The following MGAM variants were observed in gnomAD, a reference collection of about 807,000 sequenced individuals.
MGAM encodes alpha-1,4-glucosidase.
A neutral mutation model predicts 358.8 loss-of-function variants in MGAM; 253 were observed. The observed-to-expected ratio is 0.71, with a 90% CI of 0.64 to 0.78. The LOEUF (loss-of-function observed/expected upper bound fraction) is 0.78, where lower values mean the gene tolerates loss of function less well. Among genes scored for constraint, MGAM ranks in the 30% least tolerant of loss-of-function variants. The pLI, the probability that MGAM is intolerant of heterozygous loss-of-function variation, is 0.00. For synonymous variants in MGAM, 1,105 were observed against 1,227.1 expected (o/e 0.90, Z 2.08); for missense variants, 3,080 against 3,432.6 (o/e 0.90, Z 2.57).
chr7:142,065,651 C>T (rs1404614139), intron 39 of MGAM, 29 bp downstream of exon 39: 1 of 1,612,776 alleles, frequency 6.2e-7, no homozygotes, highest in East Asian at 2.2e-5. Context: ...CTCCTAAGCA[C>T]CAAGAAGGTG....
At chr7:142,018,158 G>A (rs1017184484) in intron 3 of MGAM, among the ~76,000 whole-genome samples, 1 of 152,230 alleles carries the variant, frequency 6.6e-6, no homozygotes, top group Non-Finnish European at 1.5e-5. Flanking sequence ...CTCTGGCTCA[G>A]TGTCTCTTGG....
intron 70 of MGAM, 130 bp downstream of exon 70, chr7:142,103,569 T>C (rs1004956627): frequency 1.2e-6 from 1 of 864,448 alleles, no homozygotes; most frequent in African/African-American, 1.7e-5. Flanking sequence ...GTTTTCCATG[T>C]GTTAGGAATG....
chr7:142,083,507 G>A, intron 53 of MGAM, 94 bp downstream of exon 53: 3 of 875,254 alleles, frequency 3.4e-6, no homozygotes, highest in South Asian at 2.0e-5. Context: ...GATGATAACT[G>A]GAATTATTGG....
intron 8 of MGAM, among the ~76,000 whole-genome samples, chr7:142,026,034 C>T (rs1331342491): frequency 3.9e-4 from 60 of 152,024 alleles, no homozygotes; most frequent in Non-Finnish European, 1.0e-4. Flanking sequence ...GTGGGAAAGG[C>T]CACAAGATCC....
At chr7:142,050,651 T>TATACTCATATACCTTTATGC (rs1422134494) in intron 23 of MGAM, 46 bp from the exon 24 acceptor site, 1 of 1,550,146 alleles carries the variant, frequency 6.5e-7, no homozygotes, top group African/African-American at 1.4e-5. Context: ...AGAATCTGTG[T>TATACTCATATACCTTTATGC]ATACTCATAT....
In MGAM at chr7:142,070,993, G is replaced by A. The variant is rs773618948; in HGVS notation, c.5062-1G>A. The A allele has an allele frequency of 1.9e-6, 3 of 1,556,134 alleles. 1 individual carries two copies. Among genetic ancestry groups the A allele is most frequent in the South Asian group, 2.2e-5 (2 of 89,186 alleles). ...CATCTTTTACCTTCTTCTGCCCCCA[G>A]GGTGTGGATATTAATGCAAGAGGAG... On this transcript the variant is annotated splice_acceptor_variant, in intron 43 of 70. Coordinates refer to ENST00000475668, the MANE Select transcript of MGAM (RefSeq NM_001365693.1). LOFTEE classifies it high-confidence loss of function.
At chr7:142,065,904 A>G (rs1812691132) in intron 40 of MGAM, 73 bp downstream of exon 40, 1 of 1,181,524 alleles carries the variant, frequency 8.5e-7, no homozygotes. Flanking sequence ...GCTAAAAGTA[A>G]TGCAGTCTCT....
At position 142,036,962 on chromosome 7, in the gene MGAM, G is replaced by A; in HGVS notation, c.2216G>A (p.Arg739Lys). ...CACAGCCGAGGGGACACGGTGGCCA[G>A]GCCCCTTTTGCATGAGTAAGTTCAC... ...RAHSRGDTVA[R>K]PLLHEFYEDN... Residue 739 changes from arginine (R) to lysine (K), a missense_variant, in exon 18 of 71, where the codon AGG becomes AAG. By Grantham distance (26) the Arg-to-Lys change is conservative. Transcript: ENST00000475668. 3 of 1,613,260 alleles carry A rather than the reference G, an allele frequency of 1.9e-6. No individual in the cohort carries two copies. The highest frequency in any genetic ancestry group is 2.5e-6 in the Non-Finnish European group (3 of 1,179,516).
chr7:142,062,329 G>A (rs1380493580), intron 34 of MGAM, among the ~76,000 whole-genome samples: 3 of 152,188 alleles, frequency 2.0e-5, no homozygotes, highest in Admixed American at 6.5e-5. Context: ...CATCATCCAC[G>A]TGTATAGGAA....
chr7:142,040,375 T>A (rs1365288925), intron 20 of MGAM: 16 of 595,216 alleles, frequency 2.7e-5, no homozygotes, highest in Non-Finnish European at 1.5e-5. Flanking sequence ...TACCTTCATA[T>A]ACTTTATTTA....
chr7:142,100,393 T>G (rs1356530744), intron 67 of MGAM, among the ~76,000 whole-genome samples: 4 of 152,156 alleles, frequency 2.6e-5, no homozygotes, highest in African/African-American at 9.7e-5. Context: ...ATTCTTAGAC[T>G]CCCTATTCAT....
chr7:142,059,363 A>G (rs1388257369), intron 31 of MGAM, 109 bp from the exon 32 acceptor site: 1 of 1,491,150 alleles, frequency 6.7e-7, no homozygotes, highest in Non-Finnish European at 9.0e-7. Flanking sequence ...ATTTGAATGC[A>G]TCAACAAGAA....
intron 26 of MGAM, 75 bp from the exon 27 acceptor site, chr7:142,054,679 A>T (rs1242582550): frequency 4.0e-6 from 6 of 1,492,984 alleles, no homozygotes; most frequent in Non-Finnish European, 4.5e-6. Flanking sequence ...TGTGTCCAAA[A>T]ATCAAAAAGG....
chr7:142,057,996 T>A (rs1379353514), intron 30 of MGAM, among the ~76,000 whole-genome samples: 1 of 152,142 alleles, frequency 6.6e-6, no homozygotes, highest in Non-Finnish European at 1.5e-5. Context: ...TAACATCAGA[T>A]TTTCCATAAT....
intron 65 of MGAM, among the ~76,000 whole-genome samples, chr7:142,097,284 C>T (rs979693292): frequency 3.9e-5 from 6 of 152,062 alleles, no homozygotes; most frequent in African/African-American, 7.2e-5. Flanking sequence ...CCAGACACAA[C>T]CTCAGTTGTT....
intron 21 of MGAM, among the ~76,000 whole-genome samples, chr7:142,045,970 GT>G (rs1432804770): frequency 8.3e-6 from 1 of 120,178 alleles, no homozygotes; most frequent in Non-Finnish European, 1.7e-5. Flanking sequence ...CATACAATAT[GT>G]AATATATATT....
chr7:142,074,030 A>G lies in MGAM; in HGVS notation c.5187-55A>G, dbSNP rs544649604. Reference sequence around the variant, plus strand: ...AATTTGATGGAAATATTCTCAGCCCAGTTGGCAAAATTGTCTGACTCCTGT... The same window carrying G: ...AATTTGATGGAAATATTCTCAGCCCGGTTGGCAAAATTGTCTGACTCCTGT... On this transcript the variant is annotated intron_variant, in intron 44 of 70. Coordinates refer to ENST00000475668, the MANE Select transcript of MGAM (RefSeq NM_001365693.1). 19 of 1,234,202 alleles carry G rather than the reference A, an allele frequency of 1.5e-5. 2 individuals are homozygous for G. Among genetic ancestry groups the G allele is most frequent in the East Asian group, 1.2e-4 (5 of 41,984 alleles). 76.5% of individuals were successfully genotyped at this position (1,234,202 alleles called of 1,614,324 possible).
At chr7:142,050,510 T>C (rs1278605162) in intron 23 of MGAM, among the ~76,000 whole-genome samples, 187 bp from the exon 24 acceptor site, 2 of 152,216 alleles carry the variant, frequency 1.3e-5, no homozygotes. Context: ...TGTGTGTTTT[T>C]ATGATCGTTT....
chr7:142,045,361 T>C (rs1287133550), intron 21 of MGAM, among the ~76,000 whole-genome samples: 1 of 96,894 alleles, frequency 1.0e-5, no homozygotes, highest in African/African-American at 4.0e-5. Flanking sequence ...TAATACATGA[T>C]ATATAATATA....
Sources: gnomAD v4.1 joint callset for allele counts (sites outside exome capture counted in the v4.1 genomes callset) on GRCh38, gnomAD v4.1.1 for gene constraint, MANE v1.5 for transcripts, NCBI Gene and HGNC (gene_info 2026-07-23, HGNC 2026-07-21) for gene names.